MLLT3: variants seen among roughly 807,000 people sequenced by gnomAD.
The protein encoded by MLLT3 is MLLT3 super elongation complex subunit, also known as protein AF-9.
Under a neutral mutation model 53.2 loss-of-function variants are expected in MLLT3, and 4 were observed. The observed-to-expected ratio is 0.08, with a 90% CI of 0.04 to 0.17. The LOEUF is 0.17. MLLT3 is among the 10% of genes least tolerant of loss of function. The pLI is 1.00. For synonymous variants in MLLT3, 283 were observed against 230.6 expected (o/e 1.23, Z -2.06); for missense variants, 569 against 684.0 (o/e 0.83, Z 1.87).
At chr9:20,388,819 T>C (rs1822110082) in intron 5 of MLLT3, among the ~76,000 whole-genome samples, 1 of 152,142 alleles carries the variant, frequency 6.6e-6, no homozygotes, top group Non-Finnish European at 1.5e-5. Flanking sequence ...TCTTGTTTTT[T>C]TGTGTGTGGT....
At chr9:20,579,364 T>G (rs975842646) in intron 2 of MLLT3, among the ~76,000 whole-genome samples, 5 of 151,868 alleles carry the variant, frequency 3.3e-5, no homozygotes, top group African/African-American at 1.2e-4. Context: ...CAGAGTAAGA[T>G]TCCATCTCTA....
At chr9:20,577,674 C>T (rs1819688644) in intron 2 of MLLT3, among the ~76,000 whole-genome samples, 1 of 152,188 alleles carries the variant, frequency 6.6e-6, no homozygotes, top group Non-Finnish European at 1.5e-5. Context: ...CCAGACACAG[C>T]CATGACAGAT....
intron 5 of MLLT3, among the ~76,000 whole-genome samples, chr9:20,373,113 G>C (rs1821659315): frequency 6.6e-6 from 1 of 152,048 alleles, no homozygotes; most frequent in South Asian, 2.1e-4. Flanking sequence ...TTTGCTCATA[G>C]AGTGAGGGCA....
intron 5 of MLLT3, among the ~76,000 whole-genome samples, chr9:20,369,699 C>T (rs1255150387): frequency 6.6e-6 from 1 of 152,134 alleles, no homozygotes; most frequent in East Asian, 1.9e-4. Context: ...TCACATTTAT[C>T]TTCCAAAAAC....
At chr9:20,563,874 A>G (rs1819282544) in intron 2 of MLLT3, among the ~76,000 whole-genome samples, 1 of 152,188 alleles carries the variant, frequency 6.6e-6, no homozygotes, top group South Asian at 2.1e-4. Context: ...AAAAAGAATC[A>G]GCCACAAGTT....
intron 5 of MLLT3, among the ~76,000 whole-genome samples, chr9:20,376,303 C>T (rs956900950): frequency 1.3e-5 from 2 of 152,100 alleles, no homozygotes; most frequent in Non-Finnish European, 2.9e-5. Context: ...AGATTAGAAT[C>T]ATATTTAGCC....
intron 2 of MLLT3, among the ~76,000 whole-genome samples, chr9:20,458,305 A>G (rs1351328574): frequency 2.0e-5 from 3 of 152,184 alleles, no homozygotes; most frequent in East Asian, 1.9e-4. Flanking sequence ...GACAGGAAGC[A>G]CATTCACCTC....
intron 2 of MLLT3, among the ~76,000 whole-genome samples, chr9:20,510,341 G>A (rs976198331): frequency 4.6e-5 from 7 of 152,164 alleles, no homozygotes; most frequent in Admixed American, 3.3e-4. Context: ...CGCCAGGCGC[G>A]GTGGCTCACA....
At chr9:20,526,050 CT>C (rs1219081479) in intron 2 of MLLT3, among the ~76,000 whole-genome samples, 4 of 152,130 alleles carry the variant, frequency 2.6e-5, no homozygotes, top group African/African-American at 9.7e-5. Flanking sequence ...TCAGAAAATA[CT>C]GTAACATTTC....
chr9:20,615,947 T>C (rs958984722), intron 2 of MLLT3, among the ~76,000 whole-genome samples: 1 of 151,958 alleles, frequency 6.6e-6, no homozygotes, highest in African/African-American at 2.4e-5. Flanking sequence ...AATGTTCATT[T>C]TTCATTAAAA....
At chr9:20,488,116 G>A (rs1437591331) in intron 2 of MLLT3, among the ~76,000 whole-genome samples, 1 of 152,016 alleles carries the variant, frequency 6.6e-6, no homozygotes, top group Non-Finnish European at 1.5e-5. Flanking sequence ...AAGGATAAGT[G>A]CTTTTGAGGT....
chr9:20,576,388 A>C (rs896912703), intron 2 of MLLT3, among the ~76,000 whole-genome samples: 5 of 152,310 alleles, frequency 3.3e-5, no homozygotes, highest in South Asian at 2.1e-4. Flanking sequence ...GTGCATTCTT[A>C]ACTTGGCTAA....
chr9:20,378,584 C>G (rs1204608742), intron 5 of MLLT3, among the ~76,000 whole-genome samples: 1 of 151,848 alleles, frequency 6.6e-6, no homozygotes, highest in African/African-American at 2.4e-5. Flanking sequence ...TTACATAATC[C>G]CCCTAGAAGT....
intron 2 of MLLT3, among the ~76,000 whole-genome samples, chr9:20,538,692 G>C (rs1225361170): frequency 2.6e-5 from 4 of 152,116 alleles, no homozygotes; most frequent in Non-Finnish European, 5.9e-5. Context: ...AAAGAAGTAA[G>C]GCATTACAAA....
intron 2 of MLLT3, among the ~76,000 whole-genome samples, chr9:20,526,427 G>A (rs142340013): frequency 1.7e-4 from 26 of 152,236 alleles, no homozygotes; most frequent in African/African-American, 5.8e-4. Context: ...CAGAAGCATA[G>A]AATACACATG....
At chr9:20,562,963 CCTT>C (rs1819253321) in intron 2 of MLLT3, among the ~76,000 whole-genome samples, 1 of 152,122 alleles carries the variant, frequency 6.6e-6, no homozygotes, top group African/African-American at 2.4e-5. Flanking sequence ...CAATGAAACA[CCTT>C]CTAGGAACAC....
intron 2 of MLLT3, among the ~76,000 whole-genome samples, chr9:20,460,793 AT>A (rs749949520): frequency 8.5e-5 from 13 of 152,218 alleles, no homozygotes; most frequent in Middle Eastern, 3.2e-3. Context: ...ACAGTAACCC[AT>A]CAAATTCTTC....
chr9:20,415,686 C>T (rs756807876), intron 4 of MLLT3, among the ~76,000 whole-genome samples: 1 of 152,020 alleles, frequency 6.6e-6, no homozygotes, highest in Non-Finnish European at 1.5e-5. Flanking sequence ...CCTTAAATAT[C>T]TAGCATGACA....
intron 2 of MLLT3, among the ~76,000 whole-genome samples, chr9:20,485,200 G>A (rs371252588): frequency 6.6e-6 from 1 of 152,036 alleles, no homozygotes; most frequent in East Asian, 1.9e-4. Context: ...TGTTAGGCAC[G>A]CTGGTCTTGA....
Sources: allele counts gnomAD v4.1 joint callset (sites outside exome capture counted in the v4.1 genomes callset), GRCh38; gene constraint gnomAD v4.1.1; transcripts MANE v1.5; gene names NCBI Gene and HGNC (gene_info 2026-07-23, HGNC 2026-07-21).